The following RNGTT variants were observed in gnomAD, a reference collection of about 807,000 sequenced individuals.
The protein encoded by RNGTT is RNA guanylyltransferase and 5'-phosphatase, also known as mRNA-capping enzyme.
Under a neutral mutation model 79.3 loss-of-function variants are expected in RNGTT, and 33 were observed. The ratio of observed to expected loss-of-function variants is 0.42; its 90% confidence interval spans 0.32 to 0.56. The LOEUF (loss-of-function observed/expected upper bound fraction) is 0.56. Among genes scored for constraint, RNGTT ranks in the 20% least tolerant of loss-of-function variants. The probability of loss-of-function intolerance (pLI) is 0.17; values close to 1 mark genes in which losing one functional copy is unlikely to be tolerated. For missense variants in RNGTT, 497 were observed against 739.1 expected (o/e 0.67, Z 3.80); for synonymous variants, 222 against 235.9 (o/e 0.94, Z 0.54).
At chr6:88,686,625 T>C (rs909963052) in intron 13 of RNGTT, among the ~76,000 whole-genome samples, 1 of 152,054 alleles carries the variant, frequency 6.6e-6, no homozygotes, top group African/African-American at 2.4e-5. Context: ...GACCTACGCA[T>C]AGGCACTGAA....
At chr6:88,768,108 A>G (rs1222201085) in intron 13 of RNGTT, among the ~76,000 whole-genome samples, 1 of 151,496 alleles carries the variant, frequency 6.6e-6, no homozygotes, top group Non-Finnish European at 1.5e-5. Flanking sequence ...TTAAGTCCCA[A>G]TTGTAAATTA....
At chr6:88,802,955 C>T (rs1054382622) in intron 11 of RNGTT, among the ~76,000 whole-genome samples, 1 of 152,028 alleles carries the variant, frequency 6.6e-6, no homozygotes, top group Non-Finnish European at 1.5e-5. Context: ...GTTATACATC[C>T]CTTTTATCAC....
rs191698161 is a variant in RNGTT, at chr6:88,923,767, C to T, written c.367+5218G>A. 7.5e-3 allele frequency among the ~76,000 whole-genome samples: 1,149 copies of T among 152,220 alleles called. 10 individuals are homozygous for T. The highest frequency in any genetic ancestry group is 0.011 in the Non-Finnish European group (774 of 68,016). ...AGCATTATGTGTTCAACAAACATAT[C>T]GTAGCTAAATCAGCAAGAGCTATTA... is the stretch of plus-strand genomic sequence containing the variant. On this transcript the variant is annotated intron_variant, in intron 4 of 15. Transcript: ENST00000369485.
intron 6 of RNGTT, among the ~76,000 whole-genome samples, chr6:88,901,661 T>C (rs1783471634): frequency 1.3e-5 from 2 of 151,734 alleles, no homozygotes; most frequent in Admixed American, 1.3e-4. Context: ...CGCCTGCCAC[T>C]AGGCCGAGCT....
intron 13 of RNGTT, among the ~76,000 whole-genome samples, chr6:88,760,727 C>T: frequency 6.6e-6 from 1 of 151,998 alleles, no homozygotes; most frequent in Non-Finnish European, 1.5e-5. Context: ...CAGAAAAATG[C>T]TGCTCAGCAA....
At chr6:88,919,378 C>G (rs1784093568) in intron 4 of RNGTT, among the ~76,000 whole-genome samples, 1 of 152,178 alleles carries the variant, frequency 6.6e-6, no homozygotes, top group Non-Finnish European at 1.5e-5. Flanking sequence ...GGGAAAGAAA[C>G]TCCCCAACAA....
At chr6:88,851,146 A>C (rs1030087815) in intron 9 of RNGTT, among the ~76,000 whole-genome samples, 1 of 151,756 alleles carries the variant, frequency 6.6e-6, no homozygotes, top group Non-Finnish European at 1.5e-5. Context: ...TAAAATAGTG[A>C]ATTTCATAGT....
chr6:88,699,433 C>G (rs2127800851), intron 13 of RNGTT, among the ~76,000 whole-genome samples: 1 of 152,148 alleles, frequency 6.6e-6, no homozygotes, highest in South Asian at 2.1e-4. Flanking sequence ...GCCTGTAATC[C>G]TAACATTTTT....
chr6:88,677,469 A>G (rs1774919684), intron 14 of RNGTT, among the ~76,000 whole-genome samples: 1 of 152,084 alleles, frequency 6.6e-6, no homozygotes, highest in South Asian at 2.1e-4. Context: ...AGCTGTTAAA[A>G]ACATTTTTGT....
intron 12 of RNGTT, among the ~76,000 whole-genome samples, chr6:88,771,315 G>GTGTGTGTGTGTATATA (rs1303688973): frequency 8.1e-5 from 5 of 62,074 alleles, no homozygotes; most frequent in East Asian, 5.0e-4. Flanking sequence ...GTGTGTGTGT[G>GTGTGTGTGTGTATATA]TATATATATA....
intron 10 of RNGTT, among the ~76,000 whole-genome samples, chr6:88,844,982 ATACT>A (rs1293467752): frequency 6.6e-6 from 1 of 152,260 alleles, no homozygotes; most frequent in East Asian, 1.9e-4. Flanking sequence ...AAGTATTAAT[ATACT>A]TACTATTTAT....
chr6:88,634,508 T>C (rs1481001907), intron 14 of RNGTT, among the ~76,000 whole-genome samples: 2 of 152,128 alleles, frequency 1.3e-5, no homozygotes, highest in Non-Finnish European at 2.9e-5. Flanking sequence ...TAAGAATGCA[T>C]AGGGCTAAAA....
chr6:88,864,440 G>A (rs905653927), intron 8 of RNGTT, among the ~76,000 whole-genome samples: 1 of 151,964 alleles, frequency 6.6e-6, no homozygotes. Context: ...AGCAAAGAGG[G>A]GTGAAGATAT....
At chr6:88,892,678 G>A (rs1250052224) in intron 6 of RNGTT, among the ~76,000 whole-genome samples, 1 of 151,970 alleles carries the variant, frequency 6.6e-6, no homozygotes, top group Non-Finnish European at 1.5e-5. Flanking sequence ...GTATGCTACA[G>A]TTCTTTTAAG....
At chr6:88,635,574 C>A (rs1420911146) in intron 14 of RNGTT, among the ~76,000 whole-genome samples, 1 of 152,058 alleles carries the variant, frequency 6.6e-6, no homozygotes, top group Non-Finnish European at 1.5e-5. Context: ...CACTGCCCAA[C>A]ACATACTTAA....
chr6:88,803,410 C>T (rs1160030969), intron 11 of RNGTT, among the ~76,000 whole-genome samples: 2 of 151,612 alleles, frequency 1.3e-5, no homozygotes, highest in South Asian at 4.2e-4. Context: ...ACCATCTCTA[C>T]TAAAAAATAC....
At chr6:88,628,064 A>G (rs1363548552) in intron 14 of RNGTT, among the ~76,000 whole-genome samples, 2 of 152,162 alleles carry the variant, frequency 1.3e-5, no homozygotes, top group East Asian at 3.8e-4. Context: ...TGACAAAGGC[A>G]TTACGTAAGT....
intron 8 of RNGTT, among the ~76,000 whole-genome samples, chr6:88,862,919 T>C (rs1181130795): frequency 6.6e-6 from 1 of 152,214 alleles, no homozygotes; most frequent in East Asian, 1.9e-4. Context: ...ACAGTTATTT[T>C]TGTTTTGACT....
intron 13 of RNGTT, among the ~76,000 whole-genome samples, chr6:88,769,055 T>C (rs1778559710): frequency 6.6e-6 from 1 of 152,198 alleles, no homozygotes; most frequent in Non-Finnish European, 1.5e-5. Flanking sequence ...AATGATCATA[T>C]CTTATATCTA....
Sources: gnomAD v4.1 joint callset for allele counts (sites outside exome capture counted in the v4.1 genomes callset) on GRCh38, gnomAD v4.1.1 for gene constraint, MANE v1.5 for transcripts, NCBI Gene and HGNC (gene_info 2026-07-23, HGNC 2026-07-21) for gene names.